IQGAP2: variants seen among roughly 807,000 people sequenced by gnomAD.
IQGAP2 encodes ras GTPase-activating-like protein IQGAP2.
In IQGAP2, 173 loss-of-function variants were observed where a neutral mutation model predicts 201.3. The observed-to-expected ratio is 0.86, with a 90% CI of 0.76 to 0.98. The LOEUF (loss-of-function observed/expected upper bound fraction) is 0.98, where lower values mean the gene tolerates loss of function less well. IQGAP2 is among the 50% of genes least tolerant of loss of function. The probability of loss-of-function intolerance (pLI) is 0.00; values close to 1 mark genes in which losing one functional copy is unlikely to be tolerated. For missense variants in IQGAP2, 1,687 were observed against 1,864.8 expected, an observed-to-expected ratio of 0.90 and a Z score of 1.76; for synonymous variants, 675 against 673.9, an observed-to-expected ratio of 1.00 and a Z score of -0.03.
intron 1 of IQGAP2, chr5:76,404,587 T>C: frequency 1.4e-6 from 1 of 714,246 alleles, no homozygotes; most frequent in African/African-American, 1.9e-5. Flanking sequence ...TGTTTGTGTG[T>C]GTGTGTGGTT....
chr5:76,620,080 C>G (rs950643), intron 13 of IQGAP2, among the ~76,000 whole-genome samples: 54,461 of 152,078 alleles, frequency 0.36, 10,873 homozygotes, highest in Non-Finnish European at 0.47. Context: ...ATTTTAAGAC[C>G]TCTGATCTCC....
chr5:76,618,573 G>C, intron 13 of IQGAP2: 1 of 1,614,034 alleles, frequency 6.2e-7, no homozygotes, highest in East Asian at 2.2e-5. Context: ...AAAAGAATTT[G>C]GGGGAGCTCC....
At chr5:76,434,462 G>A (rs893380751) in intron 1 of IQGAP2, among the ~76,000 whole-genome samples, 2 of 152,044 alleles carry the variant, frequency 1.3e-5, no homozygotes, top group African/African-American at 4.8e-5. Context: ...TTCCATTCCT[G>A]AGTTACTTCA....
chr5:76,430,156 C>G (rs1490853826), intron 1 of IQGAP2, among the ~76,000 whole-genome samples: 1 of 152,172 alleles, frequency 6.6e-6, no homozygotes, highest in African/African-American at 2.4e-5. Context: ...ACATAGCGCT[C>G]TGTGACAAAT....
chr5:76,618,194 G>GA (rs766441953), intron 13 of IQGAP2: 8 of 1,614,190 alleles, frequency 5.0e-6, no homozygotes, highest in Admixed American at 3.3e-5. Context: ...CATAGAAGAT[G>GA]ACTGTGGTGG....
intron 2 of IQGAP2, among the ~76,000 whole-genome samples, chr5:76,498,651 G>A (rs560599130): frequency 5.3e-5 from 8 of 152,258 alleles, no homozygotes; most frequent in South Asian, 2.1e-4. Flanking sequence ...ATTTACAACC[G>A]TCCCTAAACC....
intron 1 of IQGAP2, among the ~76,000 whole-genome samples, chr5:76,411,328 C>G (rs7706926): frequency 0.44 from 66,670 of 152,034 alleles, 15,321 homozygotes; most frequent in Non-Finnish European, 0.5. Context: ...GCTAACCAGG[C>G]CTTGATTACT....
intron 10 of IQGAP2, among the ~76,000 whole-genome samples, chr5:76,598,157 G>A (rs940089038): frequency 2.6e-5 from 4 of 152,116 alleles, no homozygotes; most frequent in Non-Finnish European, 5.9e-5. Flanking sequence ...GCAGAACCAA[G>A]AATTCAGCAT....
At chr5:76,669,078 G>A (rs1744060063) in intron 23 of IQGAP2, among the ~76,000 whole-genome samples, 1 of 152,130 alleles carries the variant, frequency 6.6e-6, no homozygotes, top group Non-Finnish European at 1.5e-5. Context: ...TTGTATGCCT[G>A]TAACAACTGA....
chr5:76,486,849 C>T (rs1580298426), intron 2 of IQGAP2, among the ~76,000 whole-genome samples: 1 of 152,180 alleles, frequency 6.6e-6, no homozygotes, highest in East Asian at 1.9e-4. Flanking sequence ...TGAACTGTTT[C>T]TCATTTATTT....
At chr5:76,658,333 T>C (rs1194504857) in intron 20 of IQGAP2, 126 bp from the exon 21 acceptor site, 2 of 778,768 alleles carry the variant, frequency 2.6e-6, no homozygotes, top group Non-Finnish European at 2.1e-6. Flanking sequence ...GTAGAATGAT[T>C]CTCACCCTAG....
At chr5:76,610,104 ATATATATATATTTTTTTTTTTTTTTTTT>A in intron 12 of IQGAP2, among the ~76,000 whole-genome samples, 1 of 21,942 alleles carries the variant, frequency 4.6e-5, no homozygotes, top group Non-Finnish European at 7.9e-5. Context: ...ATATATATAT[ATATATATATATTTTTTTTTTTTTTTTTT>A]TTTTTTTTTT....
intron 5 of IQGAP2, among the ~76,000 whole-genome samples, chr5:76,585,588 A>C (rs1746190943): frequency 6.6e-6 from 1 of 150,946 alleles, no homozygotes; most frequent in African/African-American, 2.4e-5. Context: ...AATTCAGCTC[A>C]CCACAAACCT....
intron 2 of IQGAP2, among the ~76,000 whole-genome samples, chr5:76,529,947 C>T (rs1197691252): frequency 1.3e-5 from 2 of 152,104 alleles, no homozygotes; most frequent in African/African-American, 4.8e-5. Context: ...AACTGGTAAT[C>T]ACTCAAACAC....
At chr5:76,406,109 C>T (rs950565593) in intron 1 of IQGAP2, among the ~76,000 whole-genome samples, 5 of 152,164 alleles carry the variant, frequency 3.3e-5, no homozygotes, top group South Asian at 4.1e-4. Flanking sequence ...AGTTCTTACA[C>T]AAAGTAACTA....
intron 9 of IQGAP2, among the ~76,000 whole-genome samples, chr5:76,594,054 T>C (rs1228079590): frequency 6.6e-6 from 1 of 152,214 alleles, no homozygotes; most frequent in Non-Finnish European, 1.5e-5. Context: ...CTCAATTGCC[T>C]TTATTTTTTT....
chr5:76,432,714 A>G (rs916433864), intron 1 of IQGAP2, among the ~76,000 whole-genome samples: 3 of 152,274 alleles, frequency 2.0e-5, no homozygotes, highest in African/African-American at 7.2e-5. Context: ...GATACTTCCT[A>G]CCTGTATAAC....
intron 25 of IQGAP2, 114 bp from the exon 26 acceptor site, chr5:76,673,838 G>C (rs561424121): frequency 1.4e-6 from 1 of 733,708 alleles, no homozygotes; most frequent in Admixed American, 2.4e-5. Context: ...CTCATCTTAT[G>C]TTTAATTTTT....
At chr5:76,673,858 A>G (rs1744570268) in intron 25 of IQGAP2, 94 bp from the exon 26 acceptor site, 4 of 796,206 alleles carry the variant, frequency 5.0e-6, no homozygotes, top group Non-Finnish European at 8.5e-6. Context: ...TAGAAAAACT[A>G]CTCAGCTGAA....
Sources: allele counts gnomAD v4.1 joint callset (sites outside exome capture counted in the v4.1 genomes callset), GRCh38; gene constraint gnomAD v4.1.1; transcripts MANE v1.5; gene names NCBI Gene and HGNC (gene_info 2026-07-23, HGNC 2026-07-21).